Variants in USP45 observed in about 807,000 individuals in gnomAD.
USP45 encodes the protein ubiquitin specific peptidase 45.
USP45 carries 89 observed loss-of-function variants against 95.8 expected under a neutral mutation model. The observed-to-expected ratio is 0.93, with a 90% CI of 0.78 to 1.11. The LOEUF is 1.11. Among genes scored for constraint, USP45 ranks in the 50% least tolerant of loss-of-function variants. The pLI, the probability that USP45 is intolerant of heterozygous loss-of-function variation, is 0.00. For missense variants in USP45, 898 were observed against 942.5 expected (o/e 0.95, Z 0.62); for synonymous variants, 281 against 316.2 (o/e 0.89, Z 1.18).
At chr6:99,513,116 A>C (rs1394864336) in intron 1 of USP45, among the ~76,000 whole-genome samples, 1 of 152,176 alleles carries the variant, frequency 6.6e-6, no homozygotes. Context: ...GCAGCATTAC[A>C]TGTACCCAAA....
At position 99,437,305 on chromosome 6, in the gene USP45, T is replaced by A. The variant is rs765879783; in HGVS notation, c.2255A>T (p.Lys752Ile). 1 of 1,613,900 alleles carries A rather than the reference T, an allele frequency of 6.2e-7. No homozygotes were observed. The highest frequency in any genetic ancestry group is 8.5e-7 in the Non-Finnish European group (1 of 1,179,914). ...TAATTTCCTGGAGGGTGTTCTCACT[T>A]TCACATAAGCAGTGTAGTGGCCTTC... ...MREGHYTAYV[K>I]VRTPSRKLSE... Residue 752 changes from lysine to isoleucine, a missense_variant, in exon 17 of 18, where the codon AAA becomes ATA. Lys to Ile is a moderately radical substitution (Grantham distance 102, BLOSUM62 -3). Transcript: ENST00000500704.
chr6:99,445,920 A>C lies in USP45; in HGVS notation c.1852T>G (p.Cys618Gly), dbSNP rs776528416. 3.7e-6 allele frequency: 6 copies of C among 1,614,130 alleles called. No homozygotes were observed. In the South Asian group the frequency reaches 4.4e-5, roughly 12 times the overall value. ...SQSYITTSKE[C>G]SIQSCLYQFT... is the part of the protein sequence containing the mutation. ...TGGTAGAGACAGGACTGAATTGAAC[A>C]TTCTTTAGAAGTAGTTATATAGCTC... Residue 618 changes from cysteine to glycine, a missense_variant, in exon 14 of 18, where the codon TGT becomes GGT. Transcript: ENST00000500704.
rs201520980 is a variant in USP45 at position 99,503,326 on chromosome 6, AT to A, written c.478+438del. ...CACCTAAGAATGCATGATACTCATA[AT>A]TTTTTTTTTTTTTTCTTGAGACGGG... On this transcript the variant is annotated intron_variant, in intron 5 of 17. Transcript: ENST00000500704. Among the ~76,000 whole-genome samples, 783 of 143,920 alleles carry A rather than the reference AT, an allele frequency of 5.4e-3. 9 individuals are homozygous for A. The highest frequency in any genetic ancestry group is 0.011 in the African/African-American group (436 of 39,508). The allele number at this position is 143,920 out of a possible 152,430, so 94.4% of individuals were successfully genotyped here.
chr6:99,479,779 C>T (rs1383201339), intron 8 of USP45, among the ~76,000 whole-genome samples: 1 of 152,214 alleles, frequency 6.6e-6, no homozygotes, highest in East Asian at 1.9e-4. Context: ...TGAAAGACTG[C>T]ATGCTCTCCC....
chr6:99,476,336 C>A, intron 8 of USP45, 106 bp from the exon 9 acceptor site: 1 of 1,082,926 alleles, frequency 9.2e-7, no homozygotes. Context: ...TAGCTGGGTG[C>A]GGCAGCCTAC....
At chr6:99,477,787 AC>A (rs1166892579) in intron 8 of USP45, among the ~76,000 whole-genome samples, 1 of 152,222 alleles carries the variant, frequency 6.6e-6, no homozygotes. Context: ...CAACATGCTG[AC>A]AATACTTTAT....
Position 99,465,938 on chromosome 6 carries a change from T to C in USP45, c.1107+734A>G, listed in dbSNP as rs189511380. ...TGAGTGAAGTCTACACAAAAATCTT[T>C]AATACGTCATATAAACTTTAAATCA... On this transcript the variant is annotated intron_variant, in intron 11 of 17. Transcript: ENST00000500704. Among the ~76,000 whole-genome samples, 10 of 152,304 alleles carry C rather than the reference T, an allele frequency of 6.6e-5. No homozygotes were observed. In the East Asian group the frequency reaches 1.9e-3, roughly 29 times the overall value.
chr6:99,469,879 T>TG (rs1788965256), intron 9 of USP45, among the ~76,000 whole-genome samples: 2 of 152,052 alleles, frequency 1.3e-5, no homozygotes, highest in Non-Finnish European at 2.9e-5. Flanking sequence ...AGGTGGTGCC[T>TG]GGTCCTTCCT....
intron 13 of USP45, among the ~76,000 whole-genome samples, 160 bp downstream of exon 13, chr6:99,464,444 A>T (rs1158069065): frequency 1.3e-5 from 2 of 152,216 alleles, no homozygotes; most frequent in African/African-American, 4.8e-5. Flanking sequence ...GATGTGGGAT[A>T]TATATAGTTA....
At chr6:99,504,385 C>G (rs905453257) in intron 4 of USP45, among the ~76,000 whole-genome samples, 17 of 152,106 alleles carry the variant, frequency 1.1e-4, no homozygotes, top group Non-Finnish European at 2.1e-4. Flanking sequence ...AGTGATCCAC[C>G]CGCCTCGGCC....
intron 9 of USP45, among the ~76,000 whole-genome samples, chr6:99,470,741 T>C (rs1444236691): frequency 1.3e-5 from 2 of 152,144 alleles, no homozygotes; most frequent in East Asian, 1.9e-4. Context: ...TTTATTGAAC[T>C]AAAGTAAGCA....
intron 9 of USP45, among the ~76,000 whole-genome samples, chr6:99,473,777 A>AAC (rs60031754): frequency 9.0e-4 from 115 of 127,740 alleles, no homozygotes; most frequent in African/African-American, 3.2e-3. Context: ...AAAAAAACAA[A>AAC]ACACACACAC....
intron 7 of USP45, among the ~76,000 whole-genome samples, chr6:99,486,653 TATA>T (rs1793963889): frequency 6.6e-6 from 1 of 151,266 alleles, no homozygotes; most frequent in Non-Finnish European, 1.5e-5. Context: ...ATGTTATATA[TATA>T]ATAATACTGT....
intron 5 of USP45, among the ~76,000 whole-genome samples, chr6:99,498,709 G>C (rs192925413): frequency 6.6e-6 from 1 of 152,220 alleles, no homozygotes; most frequent in Admixed American, 6.5e-5. Flanking sequence ...GATTTTATTT[G>C]CTTTTTTTAC....
chr6:99,436,980 A>G (rs1244816163), intron 17 of USP45, among the ~76,000 whole-genome samples: 2 of 152,174 alleles, frequency 1.3e-5, no homozygotes, highest in East Asian at 3.9e-4. Context: ...ACGTGCCTGT[A>G]ATCTCAGCTA....
chr6:99,464,122 C>T (rs1007514557), intron 13 of USP45, among the ~76,000 whole-genome samples: 2 of 152,018 alleles, frequency 1.3e-5, no homozygotes, highest in Admixed American at 1.3e-4. Context: ...GCCTGACCAA[C>T]ATGGTGAAAC....
chr6:99,445,446 G>A lies in USP45; in HGVS notation c.1975+351C>T, dbSNP rs565645228. Among the ~76,000 whole-genome samples, 4 of 150,050 alleles carry A rather than the reference G, an allele frequency of 2.7e-5. No individual in the cohort carries two copies. The South Asian group carries it at 6.3e-4, about 24-fold the overall frequency. ...TGCAGTGAGCCGAGATCGCGCCACT[G>A]TACTCCAGCCTGGGCAACAGAGTGA... is the stretch of plus-strand genomic sequence containing the variant. On this transcript the variant is annotated intron_variant, in intron 14 of 17. Coordinates refer to ENST00000500704, the MANE Select transcript of USP45 (RefSeq NM_001346022.3).
intron 5 of USP45, among the ~76,000 whole-genome samples, chr6:99,492,726 A>C (rs1284431044): frequency 6.6e-6 from 1 of 152,036 alleles, no homozygotes; most frequent in Non-Finnish European, 1.5e-5. Context: ...TCCTGACCTC[A>C]AGTGATCTGC....
intron 7 of USP45, among the ~76,000 whole-genome samples, chr6:99,486,687 A>T (rs1019405021): frequency 2.6e-5 from 4 of 151,816 alleles, no homozygotes; most frequent in Non-Finnish European, 4.4e-5. Flanking sequence ...TATATATATA[A>T]AACAATACTG....
Sources: gnomAD v4.1 joint callset for allele counts (sites outside exome capture counted in the v4.1 genomes callset) on GRCh38, gnomAD v4.1.1 for gene constraint, MANE v1.5 for transcripts, NCBI Gene and HGNC (gene_info 2026-07-23, HGNC 2026-07-21) for gene names.